BORCS5: variants seen among roughly 807,000 people sequenced by gnomAD.
BORCS5 encodes the protein BLOC-1-related complex subunit 5.
Under a neutral mutation model 22.1 loss-of-function variants are expected in BORCS5, and 17 were observed. That is an observed-to-expected ratio of 0.77 (90% CI 0.53 to 1.15). The LOEUF is 1.15. Ranked by LOEUF, BORCS5 falls within the 50% of genes most tolerant of loss-of-function variation. The pLI is 0.00. For missense variants in BORCS5, 247 were observed against 253.2 expected (o/e 0.98, Z 0.17); for synonymous variants, 117 against 99.8 (o/e 1.17, Z -1.03).
chr12:12,428,505 A>G (rs1942344441), intron 2 of BORCS5, among the ~76,000 whole-genome samples: 1 of 152,224 alleles, frequency 6.6e-6, no homozygotes. Flanking sequence ...CCCTTAATAT[A>G]TGGAATCTGT....
At chr12:12,406,512 A>G (rs1425558985) in intron 2 of BORCS5, among the ~76,000 whole-genome samples, 1 of 152,202 alleles carries the variant, frequency 6.6e-6, no homozygotes, top group East Asian at 1.9e-4. Context: ...TACCCCTTTG[A>G]GCAAGAAAAG....
intron 2 of BORCS5, among the ~76,000 whole-genome samples, chr12:12,408,538 G>A (rs375066094): frequency 3.3e-5 from 5 of 152,198 alleles, no homozygotes; most frequent in East Asian, 3.9e-4. Flanking sequence ...CTCTATATCC[G>A]TTAAACAGCA....
intron 2 of BORCS5, among the ~76,000 whole-genome samples, chr12:12,369,806 C>T (rs1055371451): frequency 5.5e-5 from 8 of 145,098 alleles, no homozygotes; most frequent in Non-Finnish European, 1.0e-4. Context: ...CTCACTACAA[C>T]CTCTGCCTCT....
intron 2 of BORCS5, among the ~76,000 whole-genome samples, chr12:12,405,504 G>T (rs1941577127): frequency 6.6e-6 from 1 of 152,010 alleles, no homozygotes; most frequent in African/African-American, 2.4e-5. Context: ...TTATTATGAT[G>T]ATTATTTTTA....
At chr12:12,464,201 GT>G (rs35244701) in intron 3 of BORCS5, among the ~76,000 whole-genome samples, 82,171 of 144,942 alleles carry the variant, frequency 0.57, 23,410 homozygotes, top group African/African-American at 0.65. Flanking sequence ...TCACTCCCAT[GT>G]TTTTTTTTTT....
intron 1 of BORCS5, 65 bp downstream of exon 1, chr12:12,357,574 C>G (rs1471751970): frequency 1.3e-6 from 2 of 1,546,454 alleles, no homozygotes; most frequent in Admixed American, 3.6e-5. Flanking sequence ...GGGCTGCCTC[C>G]CAGACTAGGG....
intron 2 of BORCS5, among the ~76,000 whole-genome samples, chr12:12,362,600 C>T (rs943681465): frequency 6.6e-5 from 8 of 120,420 alleles, no homozygotes; most frequent in Admixed American, 2.7e-4. Context: ...CATTCTGGCT[C>T]TTATGTAAAA....
Position 12,471,110 on chromosome 12 carries a change from G to C in BORCS5, c.*5334G>C, listed in dbSNP as rs1943292751. 6.6e-6 allele frequency among the ~76,000 whole-genome samples: 1 copy of C among 152,142 alleles called. No homozygotes were observed. The highest frequency in any genetic ancestry group is 1.5e-5 in the Non-Finnish European group (1 of 68,036). On this transcript the variant is annotated 3_prime_UTR_variant, in exon 4 of 4. Transcript: ENST00000314565. ...CTACCGGCCACATCCTGCATTTCCT[G>C]TGGGACAGCATTTTCAAACGGATTC... is the stretch of plus-strand genomic sequence containing the variant.
Position 12,459,335 on chromosome 12 carries a change from G to A in BORCS5, c.361-6211G>A, listed in dbSNP as rs893614750. ...CAATTTTTTTTTTTTTTAAAGACAG[G>A]GTTTTGCTCTTGTTGCCCAGGCTGG... On this transcript the variant is annotated intron_variant, in intron 3 of 3. Coordinates refer to ENST00000314565, the MANE Select transcript of BORCS5 (RefSeq NM_058169.6). 2.7e-5 allele frequency among the ~76,000 whole-genome samples: 4 copies of A among 150,860 alleles called. No individual in the cohort carries two copies. In the South Asian group the frequency reaches 6.3e-4, roughly 24 times the overall value.
At chr12:12,415,368 A>G (rs879282293) in intron 2 of BORCS5, among the ~76,000 whole-genome samples, 1,769 of 129,964 alleles carry the variant, frequency 0.014, no homozygotes, top group Middle Eastern at 0.038. Flanking sequence ...CCAACACAGC[A>G]AAACCCCGTC....
chr12:12,410,129 C>CT (rs909852615), intron 2 of BORCS5, among the ~76,000 whole-genome samples: 23 of 152,248 alleles, frequency 1.5e-4, no homozygotes, highest in Middle Eastern at 3.4e-3. Context: ...GATATTAGCC[C>CT]TTTGTCAGAT....
intron 2 of BORCS5, among the ~76,000 whole-genome samples, chr12:12,425,368 A>G (rs1942257801): frequency 6.6e-6 from 1 of 152,164 alleles, no homozygotes; most frequent in South Asian, 2.1e-4. Context: ...GGTGCTTCCT[A>G]CCACAGTCTT....
At chr12:12,456,373 G>A (rs942847974) in intron 3 of BORCS5, among the ~76,000 whole-genome samples, 8 of 152,170 alleles carry the variant, frequency 5.3e-5, no homozygotes, top group African/African-American at 1.7e-4. Flanking sequence ...CAAGGCTCCC[G>A]TGAGCTATGA....
At chr12:12,390,243 A>G (rs187523093) in intron 2 of BORCS5, among the ~76,000 whole-genome samples, 18 of 152,224 alleles carry the variant, frequency 1.2e-4, no homozygotes, top group South Asian at 4.1e-4. Flanking sequence ...CAAATACACA[A>G]TCTCTGCTTT....
At chr12:12,397,380 C>A (rs1364794737) in intron 2 of BORCS5, among the ~76,000 whole-genome samples, 1 of 152,220 alleles carries the variant, frequency 6.6e-6, no homozygotes, top group Non-Finnish European at 1.5e-5. Flanking sequence ...TCAGTGCCAT[C>A]CTGGTCAGCC....
At chr12:12,411,376 T>C (rs999211125) in intron 2 of BORCS5, among the ~76,000 whole-genome samples, 1 of 152,178 alleles carries the variant, frequency 6.6e-6, no homozygotes, top group Non-Finnish European at 1.5e-5. Flanking sequence ...TTATTGGCCA[T>C]TTGTATCTCT....
intron 3 of BORCS5, among the ~76,000 whole-genome samples, chr12:12,445,529 C>CTTT (rs56356376): frequency 2.3e-4 from 9 of 39,008 alleles, no homozygotes; most frequent in Non-Finnish European, 3.0e-4. Context: ...TTTGAAATAC[C>CTTT]TTTTTTTTTT....
chr12:12,374,139 C>A (rs1356802832), intron 2 of BORCS5, among the ~76,000 whole-genome samples: 1 of 151,378 alleles, frequency 6.6e-6, no homozygotes, highest in Non-Finnish European at 1.5e-5. Flanking sequence ...AGGTGCCCGC[C>A]ACCACGTCTG....
chr12:12,391,897 T>A (rs1320722825), intron 2 of BORCS5, among the ~76,000 whole-genome samples: 2 of 130,890 alleles, frequency 1.5e-5, no homozygotes, highest in South Asian at 5.7e-4. Context: ...CGCTAAAAAT[T>A]TAGGCAGGCA....
Sources: allele counts gnomAD v4.1 joint callset (sites outside exome capture counted in the v4.1 genomes callset), GRCh38; gene constraint gnomAD v4.1.1; transcripts MANE v1.5; gene names NCBI Gene and HGNC (gene_info 2026-07-23, HGNC 2026-07-21).